The following AMOT variants were observed in gnomAD, a reference collection of about 807,000 sequenced individuals.
AMOT encodes angiomotin.
A neutral mutation model predicts 67.0 loss-of-function variants in AMOT; 11 were observed. The ratio of observed to expected loss-of-function variants is 0.16; its 90% CI spans 0.10 to 0.27. The LOEUF is 0.27. Ranked by LOEUF, AMOT falls within the 10% of genes least tolerant of loss-of-function variation. The probability of loss-of-function intolerance (pLI) is 1.00; values close to 1 mark genes in which losing one functional copy is unlikely to be tolerated. For synonymous variants in AMOT, 326 were observed against 321.4 expected, an observed-to-expected ratio of 1.01 and a Z score of -0.15; for missense variants, 753 against 852.0, an observed-to-expected ratio of 0.88 and a Z score of 1.45.
intron 7 of AMOT, among the ~76,000 whole-genome samples, chrX:112,806,365 GTATA>G (rs59265644): frequency 1.9e-4 from 19 of 100,008 alleles, no homozygotes; most frequent in Non-Finnish European, 2.2e-4. Flanking sequence ...AAACGTGTGT[GTATA>G]TATATATATA....
intron 1 of AMOT, among the ~76,000 whole-genome samples, chrX:112,833,735 C>T (rs1214949556): frequency 8.9e-6 from 1 of 112,183 alleles, no homozygotes; most frequent in African/African-American, 3.2e-5. Flanking sequence ...GGCTACCACA[C>T]TAAAATGTGA....
At chrX:112,782,456 C>G (rs2095358250) in intron 11 of AMOT, 84 bp downstream of exon 11, 6 of 1,169,924 alleles carry the variant, frequency 5.1e-6, no homozygotes, top group Non-Finnish European at 7.0e-6. Context: ...GCTGCATGAT[C>G]AGATTTCCTA....
At chrX:112,805,249 C>G (rs1934137516) in intron 7 of AMOT, among the ~76,000 whole-genome samples, 157 bp from the exon 8 acceptor site, 1 of 110,937 alleles carries the variant, frequency 9.0e-6, no homozygotes, top group Admixed American at 9.7e-5. Context: ...ATCACTGGCT[C>G]TCTCACTAAC....
At chrX:112,811,031 G>A (rs1358037598) in intron 6 of AMOT, among the ~76,000 whole-genome samples, 4 of 111,974 alleles carry the variant, frequency 3.6e-5, no homozygotes. Flanking sequence ...TCATTGCTCA[G>A]AAGACCAGTG....
At chrX:112,807,029 T>C (rs1602791202) in intron 7 of AMOT, among the ~76,000 whole-genome samples, 1 of 111,799 alleles carries the variant, frequency 8.9e-6, no homozygotes, top group South Asian at 3.8e-4. Context: ...AGAGAAACTA[T>C]TTAACCAGAA....
At chrX:112,803,305 G>T (rs1429591088) in intron 8 of AMOT, among the ~76,000 whole-genome samples, 1 of 111,493 alleles carries the variant, frequency 9.0e-6, no homozygotes, top group Non-Finnish European at 1.9e-5. Context: ...CCACCAGCAA[G>T]CTACTTCTTC....
At chrX:112,783,497 A>G (rs1933267089) in intron 10 of AMOT, among the ~76,000 whole-genome samples, 1 of 110,633 alleles carries the variant, frequency 9.0e-6, no homozygotes, top group African/African-American at 3.3e-5. Context: ...GTGAGCTAAT[A>G]AATAGTGCCT....
intron 9 of AMOT, 22 bp from the exon 10 acceptor site, chrX:112,790,804 AC>A (rs778972843): frequency 2.4e-5 from 27 of 1,142,182 alleles, no homozygotes; most frequent in Non-Finnish European, 3.0e-5. Context: ...GATGCAGAGA[AC>A]CCTCAAGTTA....
chrX:112,798,967 C>T (rs927546640), intron 8 of AMOT, among the ~76,000 whole-genome samples: 12 of 111,858 alleles, frequency 1.1e-4, no homozygotes, highest in African/African-American at 3.6e-4. Context: ...GGCATCTCTT[C>T]CCTCCTTCCA....
intron 1 of AMOT, among the ~76,000 whole-genome samples, chrX:112,832,694 C>G (rs1935022263): frequency 8.9e-6 from 1 of 112,039 alleles, no homozygotes; most frequent in Non-Finnish European, 1.9e-5. Context: ...TCTGTTTCCC[C>G]ACGCCAACAC....
intron 5 of AMOT, 76 bp downstream of exon 5, chrX:112,815,282 G>A (rs1416768509): frequency 4.6e-6 from 5 of 1,096,962 alleles, no homozygotes; most frequent in South Asian, 2.2e-5. Context: ...CACAACTGGA[G>A]ACTTTAATGT....
intron 8 of AMOT, 49 bp downstream of exon 8, chrX:112,804,898 T>TACCCCCCCC: frequency 1.2e-6 from 1 of 837,586 alleles, no homozygotes; most frequent in Non-Finnish European, 1.7e-6. Context: ...GTCCCCGATT[T>TACCCCCCCC]CCCAGCCCTC....
chrX:112,794,087 G>A (rs1303928858), intron 8 of AMOT, among the ~76,000 whole-genome samples: 1 of 112,294 alleles, frequency 8.9e-6, no homozygotes, highest in Admixed American at 9.5e-5. Flanking sequence ...AAGGCTTGCA[G>A]CAGTTATACT....
At chrX:112,790,104 T>C (rs112251830) in intron 10 of AMOT, among the ~76,000 whole-genome samples, 5,400 of 104,516 alleles carry the variant, frequency 0.052, 126 homozygotes, top group Middle Eastern at 0.085. Context: ...CCTTCAAATA[T>C]TGACCTTCCC....
chrX:112,834,535 C>T (rs1185747859), intron 1 of AMOT, among the ~76,000 whole-genome samples: 1 of 111,795 alleles, frequency 8.9e-6, no homozygotes, highest in East Asian at 2.8e-4. Context: ...ATTTATATTT[C>T]ATGTTATCTT....
At chrX:112,825,685 C>T (rs184189905) in intron 2 of AMOT, among the ~76,000 whole-genome samples, 2 of 110,771 alleles carry the variant, frequency 1.8e-5, no homozygotes, top group Admixed American at 9.7e-5. Context: ...CTCAGTGAGG[C>T]TCCCAATTTG....
chrX:112,785,291 C>T (rs1048231812), intron 10 of AMOT, among the ~76,000 whole-genome samples: 4 of 111,728 alleles, frequency 3.6e-5, no homozygotes, highest in Admixed American at 9.5e-5. Context: ...TTTTTTTTGA[C>T]GAAGTTATCC....
chrX:112,822,330 T>C lies in AMOT; in HGVS notation c.797A>G (p.His266Arg), dbSNP rs189885044. The change falls in exon 4 of 14, where the codon CAT (histidine) becomes CGT (arginine). Residue 266 changes from histidine (H) to arginine (R), a missense_variant. His to Arg is a conservative substitution (Grantham distance 29). Around this residue, in one of 5 missense-constraint regions of AMOT, gnomAD observed 297 missense variants for 284.3 expected, o/e 1.04. Coordinates refer to ENST00000371959, the MANE Select transcript of AMOT (RefSeq NM_001113490.2). Reference protein sequence around the residue: ...PQEPGHFYSEHRLNQPGRTEG... With the variant: ...PQEPGHFYSERRLNQPGRTEG... ...TGTTCTCCCTGGCTGGTTCAGGCGA[T>C]GCTCACTATAGAAGTGCCCTGGCTC... is the stretch of plus-strand genomic sequence containing the variant. The C allele has an allele frequency of 8.8e-7, 1 of 1,141,214 alleles. No homozygotes were observed. Among genetic ancestry groups the C allele is most frequent in the Non-Finnish European group, 1.2e-6 (1 of 858,724 alleles). The allele number at this position is 1,141,214 out of a possible 1,213,427, so 94.0% of individuals were successfully genotyped here. A position where few individuals can be genotyped will look rare whatever the true frequency, so the allele number is the denominator to read the frequency against.
chrX:112,802,136 T>C (rs752895281), intron 8 of AMOT, among the ~76,000 whole-genome samples: 1 of 112,338 alleles, frequency 8.9e-6, no homozygotes, highest in African/African-American at 3.2e-5. Flanking sequence ...TGTTCAATGA[T>C]TTTGTGAAGC....
Sources: allele counts gnomAD v4.1 joint callset (sites outside exome capture counted in the v4.1 genomes callset), GRCh38; gene constraint gnomAD v4.1.1; regional missense constraint gnomAD v4.1.1; transcripts MANE v1.5; gene names NCBI Gene and HGNC (gene_info 2026-07-23, HGNC 2026-07-21).